The following EPHX2 variants were observed in gnomAD, a reference collection of about 807,000 sequenced individuals.
EPHX2 encodes epoxide hydrolase 2.
In EPHX2, 74 loss-of-function variants were observed where a neutral mutation model predicts 78.7. The observed-to-expected ratio is 0.94, with a 90% CI of 0.78 to 1.14. The LOEUF is 1.14. Among genes scored for constraint, EPHX2 ranks in the 50% most tolerant of loss-of-function variants. The pLI, the probability that EPHX2 is intolerant of heterozygous loss-of-function variation, is 0.00. For synonymous variants in EPHX2, 251 were observed against 255.2 expected, an observed-to-expected ratio of 0.98 and a Z score of 0.16; for missense variants, 715 against 702.5, an observed-to-expected ratio of 1.02 and a Z score of -0.20.
chr8:27,518,168 AT>A, intron 9 of EPHX2, 96 bp downstream of exon 9: 1 of 988,028 alleles, frequency 1.0e-6, no homozygotes, highest in Non-Finnish European at 1.5e-6. Context: ...GGGAAGCATC[AT>A]TTCACAGCCT....
downstream of EPHX2, among the ~76,000 whole-genome samples, chr8:27,547,251 A>G (rs951809037): frequency 1.3e-5 from 2 of 152,222 alleles, no homozygotes; most frequent in Non-Finnish European, 2.9e-5. Context: ...TGGAATGTCC[A>G]GGGCTATGTT....
chr8:27,547,864 C>T (rs956159763), downstream of EPHX2, among the ~76,000 whole-genome samples: 5 of 152,298 alleles, frequency 3.3e-5, no homozygotes, highest in Admixed American at 2.6e-4. Flanking sequence ...TTTCCATCCG[C>T]GTTGCTGCGA....
chr8:27,516,919 A>AT (rs1255634079), intron 8 of EPHX2, among the ~76,000 whole-genome samples: 6,422 of 131,526 alleles, frequency 0.049, 414 homozygotes, highest in African/African-American at 0.14. Context: ...TTTCCTTCCT[A>AT]TTTTTTTTTT....
chr8:27,496,127 C>T (rs1048057300), intron 1 of EPHX2, among the ~76,000 whole-genome samples: 1 of 152,222 alleles, frequency 6.6e-6, no homozygotes, highest in African/African-American at 2.4e-5. Flanking sequence ...GCCCTGGTTC[C>T]TCTGGCTAAG....
At chr8:27,531,775 C>T (rs545256790) in intron 12 of EPHX2, among the ~76,000 whole-genome samples, 2 of 152,148 alleles carry the variant, frequency 1.3e-5, no homozygotes, top group Admixed American at 6.5e-5. Context: ...CTCAGCAGAC[C>T]TGTTCTCTAC....
chr8:27,504,940 G>C lies in EPHX2; in HGVS notation c.347-16G>C. The stretch of plus-strand genomic sequence containing the variant: ...AGGTCTGTAGCTGGTCTATCTACTG[G>C]TGGCTTTTTGCTCAGGATTCACTAC... On this transcript the variant is annotated splice_polypyrimidine_tract_variant and intron_variant, in intron 3 of 18. Transcript: ENST00000521400. 6.2e-7 allele frequency: 1 copy of C among 1,613,232 alleles called. No individual in the cohort carries two copies. The highest frequency in any genetic ancestry group is 1.1e-5 in the South Asian group (1 of 90,956).
rs188742114 is a variant in EPHX2, at chr8:27,501,000, C to T, written c.176C>T (p.Thr59Ile). 4 of 1,613,208 alleles carry T rather than the reference C, an allele frequency of 2.5e-6. No homozygotes were observed. The highest frequency in any genetic ancestry group is 2.2e-5 in the East Asian group (1 of 44,874). ...ATTRLMKGEI[T>I]LSQWIPLMEE... is the part of the protein sequence containing the mutation. Reference sequence around the variant, plus strand: ...ACCCGGCTTATGAAAGGAGAGATCACACTTTCCCAGGTGAGGGGACATCAC... The same window carrying T: ...ACCCGGCTTATGAAAGGAGAGATCATACTTTCCCAGGTGAGGGGACATCAC... The change falls in exon 2 of 19, where the codon ACA (threonine) becomes ATA (isoleucine). Residue 59 changes from threonine to isoleucine, a missense_variant. Coordinates refer to ENST00000521400, the MANE Select transcript of EPHX2 (RefSeq NM_001979.6).
intron 1 of EPHX2, among the ~76,000 whole-genome samples, chr8:27,497,430 G>T (rs1361328908): frequency 6.6e-6 from 1 of 152,208 alleles, no homozygotes; most frequent in Admixed American, 6.5e-5. Flanking sequence ...TCTGTTTTCT[G>T]TCTTCTCTGA....
intron 1 of EPHX2, 89 bp downstream of exon 1, chr8:27,491,398 C>G: frequency 3.0e-6 from 3 of 1,009,834 alleles, no homozygotes; most frequent in Non-Finnish European, 4.1e-6. Flanking sequence ...CAGATTGCTC[C>G]TGTGCCGGAG....
chr8:27,529,503 C>G (rs144471412), intron 12 of EPHX2, among the ~76,000 whole-genome samples: 2 of 152,334 alleles, frequency 1.3e-5, no homozygotes, highest in Non-Finnish European at 2.9e-5. Context: ...CCTCACGACA[C>G]TGGTCCTCTT....
At chr8:27,515,544 C>T (rs1397940244) in intron 6 of EPHX2, 174 bp from the exon 7 acceptor site, 2 of 586,494 alleles carry the variant, frequency 3.4e-6, no homozygotes, top group East Asian at 2.8e-5. Flanking sequence ...GTAGGTTGGC[C>T]AGGGCCTCTT....
intron 3 of EPHX2, among the ~76,000 whole-genome samples, 188 bp from the exon 4 acceptor site, chr8:27,504,768 G>A (rs1346047155): frequency 6.6e-6 from 1 of 152,210 alleles, no homozygotes; most frequent in Non-Finnish European, 1.5e-5. Context: ...TCATGCTTGT[G>A]TCTGTGTCAG....
intron 15 of EPHX2, among the ~76,000 whole-genome samples, chr8:27,540,915 T>C (rs2071575): frequency 0.43 from 64,812 of 152,130 alleles, 17,495 homozygotes; most frequent in African/African-American, 0.77. Context: ...CACTACTTTT[T>C]AGTCATGGCT....
chr8:27,491,954 T>G (rs575759855), intron 1 of EPHX2, among the ~76,000 whole-genome samples: 10 of 139,818 alleles, frequency 7.2e-5, no homozygotes, highest in African/African-American at 1.7e-4. Flanking sequence ...TTTTTTGTGT[T>G]TTTTTTTTTT....
intron 12 of EPHX2, among the ~76,000 whole-genome samples, chr8:27,530,238 T>C (rs535020428): frequency 6.6e-6 from 1 of 152,264 alleles, no homozygotes; most frequent in African/African-American, 2.4e-5. Flanking sequence ...CTTCAGGCCA[T>C]GGGGACAGCT....
chr8:27,517,969 G>A, intron 8 of EPHX2, 69 bp from the exon 9 acceptor site: 1 of 1,273,476 alleles, frequency 7.9e-7, no homozygotes, highest in South Asian at 1.3e-5. Flanking sequence ...TTGCAAAAAG[G>A]TCCTTTTGAT....
At chr8:27,506,583 G>A (rs562362534) in intron 4 of EPHX2, among the ~76,000 whole-genome samples, 1 of 152,022 alleles carries the variant, frequency 6.6e-6, no homozygotes, top group South Asian at 2.1e-4. Context: ...ACATTTTTTG[G>A]TCTACTTATG....
At chr8:27,506,825 T>A in intron 4 of EPHX2, 47 bp from the exon 5 acceptor site, 1 of 1,596,354 alleles carries the variant, frequency 6.3e-7, no homozygotes, top group Non-Finnish European at 8.5e-7. Context: ...CTGTTTGCAT[T>A]CTGGTGAGTT....
intron 6 of EPHX2, among the ~76,000 whole-genome samples, chr8:27,513,729 T>C (rs1814341089): frequency 6.6e-6 from 1 of 152,216 alleles, no homozygotes; most frequent in East Asian, 1.9e-4. Flanking sequence ...TGAGTCAATA[T>C]GAAGCTGTGA....
Sources: gnomAD v4.1 joint callset for allele counts (sites outside exome capture counted in the v4.1 genomes callset) on GRCh38, gnomAD v4.1.1 for gene constraint, MANE v1.5 for transcripts, NCBI Gene and HGNC (gene_info 2026-07-23, HGNC 2026-07-21) for gene names.